The following TASP1 variants were observed in gnomAD, a reference collection of about 807,000 sequenced individuals.
The protein encoded by TASP1 is threonine aspartase 1.
A neutral mutation model predicts 56.6 loss-of-function variants in TASP1; 16 were observed. The observed-to-expected ratio is 0.28, with a 90% confidence interval of 0.19 to 0.43. The LOEUF (loss-of-function observed/expected upper bound fraction) is 0.43, where lower values mean the gene tolerates loss of function less well. TASP1 is among the 20% of genes least tolerant of loss of function. The probability of loss-of-function intolerance (pLI) is 1.00; values close to 1 mark genes in which losing one functional copy is unlikely to be tolerated. For missense variants in TASP1, 393 were observed against 511.6 expected (o/e 0.77, Z 2.24); for synonymous variants, 179 against 184.2 (o/e 0.97, Z 0.23).
At chr20:13,293,509 T>C in the TASP1 span, among the ~76,000 whole-genome samples, 2 of 152,136 alleles carry the variant, frequency 1.3e-5, no homozygotes, top group Non-Finnish European at 2.9e-5. Context: ...GAGTCTTTTT[T>C]TTTTTCATAG....
chr20:13,257,532 T>G, the TASP1 span, among the ~76,000 whole-genome samples: 1 of 152,160 alleles, frequency 6.6e-6, no homozygotes, highest in Admixed American at 6.5e-5. Flanking sequence ...GTTTACATAG[T>G]GTACTATGTG....
chr20:13,459,735 C>A (rs2043982460), intron 11 of TASP1, among the ~76,000 whole-genome samples: 2 of 152,072 alleles, frequency 1.3e-5, no homozygotes, highest in African/African-American at 4.8e-5. Context: ...CTTTCATCAG[C>A]CCCCACCACA....
At chr20:13,192,545 A>AAC in the TASP1 span, among the ~76,000 whole-genome samples, 2 of 151,268 alleles carry the variant, frequency 1.3e-5, no homozygotes, top group Non-Finnish European at 3.0e-5. Context: ...AAAACACACA[A>AAC]ACACACACAC....
intron 1 of TASP1, among the ~76,000 whole-genome samples, chr20:13,638,470 T>G (rs1037328774): frequency 6.6e-6 from 1 of 151,910 alleles, no homozygotes; most frequent in South Asian, 2.1e-4. Context: ...AGGACTCTCA[T>G]CAGGCCTCTA....
the TASP1 span, among the ~76,000 whole-genome samples, chr20:13,359,293 C>G: frequency 8.6e-5 from 13 of 150,922 alleles, no homozygotes; most frequent in South Asian, 2.5e-3. Context: ...AGGATTCCTC[C>G]TAAGCCGCAT....
At chr20:13,294,098 C>T in the TASP1 span, among the ~76,000 whole-genome samples, 13,699 of 152,196 alleles carry the variant, frequency 0.09, 779 homozygotes, top group Non-Finnish European at 0.13. Context: ...ATGATGTGGC[C>T]GCCATGGAAT....
At chr20:13,549,974 A>T (rs2045924600) in intron 8 of TASP1, among the ~76,000 whole-genome samples, 1 of 152,080 alleles carries the variant, frequency 6.6e-6, no homozygotes, top group Admixed American at 6.6e-5. Flanking sequence ...AGATTTCTTA[A>T]CATTGCCTTC....
At chr20:13,528,700 A>C (rs760407933) in intron 9 of TASP1, among the ~76,000 whole-genome samples, 189 bp from the exon 10 acceptor site, 1 of 152,204 alleles carries the variant, frequency 6.6e-6, no homozygotes, top group Non-Finnish European at 1.5e-5. Flanking sequence ...ATGTTTTCAG[A>C]TATTCCATTA....
the TASP1 span, chr20:13,270,566 A>G: frequency 8.1e-6 from 13 of 1,613,842 alleles, no homozygotes; most frequent in Non-Finnish European, 1.1e-5. Flanking sequence ...CCAAAGAAGC[A>G]CCAAGGGAGC....
chr20:13,256,133 T>C, the TASP1 span, among the ~76,000 whole-genome samples: 1 of 152,090 alleles, frequency 6.6e-6, no homozygotes, highest in South Asian at 2.1e-4. Flanking sequence ...TGGTGGCTCA[T>C]GCCTGTTATC....
At chr20:13,194,575 GTGTGTGTGTGTA>G in the TASP1 span, among the ~76,000 whole-genome samples, 194 of 146,594 alleles carry the variant, frequency 1.3e-3, no homozygotes, top group African/African-American at 5.0e-3. Context: ...GTGTGTGTGT[GTGTGTGTGTGTA>G]TGTGTGTTTC....
chr20:13,229,513 T>G, the TASP1 span, among the ~76,000 whole-genome samples: 11 of 152,242 alleles, frequency 7.2e-5, no homozygotes, highest in Non-Finnish European at 5.9e-5. Context: ...TTCTCTCTTT[T>G]ATTGCTAAAT....
the TASP1 span, among the ~76,000 whole-genome samples, chr20:13,352,135 C>T: frequency 1.3e-5 from 2 of 152,130 alleles, no homozygotes; most frequent in Non-Finnish European, 1.5e-5. Context: ...AAATTCATTA[C>T]ATGTATGCTC....
At chr20:13,632,668 A>C (rs2147608512) in intron 1 of TASP1, among the ~76,000 whole-genome samples, 1 of 152,284 alleles carries the variant, frequency 6.6e-6, no homozygotes, top group East Asian at 1.9e-4. Context: ...AAGGAACTCA[A>C]CTAAATTAAC....
At chr20:13,602,444 T>C (rs1366939505) in intron 4 of TASP1, among the ~76,000 whole-genome samples, 1 of 152,178 alleles carries the variant, frequency 6.6e-6, no homozygotes, top group Admixed American at 6.5e-5. Flanking sequence ...CAGTTAATAA[T>C]GTATCAATAA....
the TASP1 span, among the ~76,000 whole-genome samples, chr20:13,329,944 T>C: frequency 3.3e-5 from 5 of 151,464 alleles, no homozygotes; most frequent in Non-Finnish European, 4.4e-5. Flanking sequence ...ATGGATGTTA[T>C]GTTTGTCAAA....
the TASP1 span, among the ~76,000 whole-genome samples, chr20:13,307,810 A>C: frequency 2.0e-5 from 3 of 152,328 alleles, no homozygotes; most frequent in South Asian, 6.2e-4. Context: ...AATATATCAC[A>C]ATTTTATTTA....
chr20:13,532,203 G>T (rs2045248140), intron 9 of TASP1, among the ~76,000 whole-genome samples: 1 of 152,142 alleles, frequency 6.6e-6, no homozygotes. Context: ...ACTGCGCCTG[G>T]CCTCAAATTA....
intron 11 of TASP1, among the ~76,000 whole-genome samples, chr20:13,457,595 T>C (rs190815106): frequency 6.6e-6 from 1 of 152,234 alleles, no homozygotes; most frequent in East Asian, 1.9e-4. Context: ...TAATGCTTTT[T>C]TTCTTTTTAA....
Sources: allele counts gnomAD v4.1 joint callset (sites outside exome capture counted in the v4.1 genomes callset), GRCh38; gene constraint gnomAD v4.1.1; transcripts MANE v1.5; gene names NCBI Gene and HGNC (gene_info 2026-07-23, HGNC 2026-07-21).